Variants in SCN1A observed in about 807,000 individuals in gnomAD.
SCN1A encodes the protein sodium channel protein type 1 subunit alpha.
In SCN1A, 13 loss-of-function variants were observed where a neutral mutation model predicts 193.7. The observed-to-expected ratio is 0.07, with a 90% confidence interval of 0.04 to 0.11. The LOEUF is 0.11. Among genes scored for constraint, SCN1A ranks in the 10% least tolerant of loss-of-function variants. The pLI is 1.00. For missense variants in SCN1A, 1,432 were observed against 2,451.1 expected, an observed-to-expected ratio of 0.58 and a Z score of 8.78; for synonymous variants, 781 against 843.6, an observed-to-expected ratio of 0.93 and a Z score of 1.29.
At chr2:166,124,763 C>T (rs1348015974) in intron 2 of SCN1A, among the ~76,000 whole-genome samples, 3 of 152,174 alleles carry the variant, frequency 2.0e-5, no homozygotes, top group Admixed American at 6.5e-5. Context: ...GCCATGGCCA[C>T]GGTGTGGCTG....
intron 19 of SCN1A, among the ~76,000 whole-genome samples, chr2:166,019,509 C>T (rs1301214585): frequency 6.6e-6 from 1 of 152,120 alleles, no homozygotes; most frequent in African/African-American, 2.4e-5. Context: ...ACTCTTTCAG[C>T]ACCCAGACTC....
chr2:166,110,064 G>A (rs765431497), intron 2 of SCN1A, among the ~76,000 whole-genome samples: 24 of 151,966 alleles, frequency 1.6e-4, no homozygotes, highest in Non-Finnish European at 3.4e-4. Context: ...ATGCTTGAGG[G>A]GACACATACC....
At chr2:166,119,174 C>T (rs1966563) in intron 2 of SCN1A, among the ~76,000 whole-genome samples, 3,649 of 152,252 alleles carry the variant, frequency 0.024, 326 homozygotes, top group Admixed American at 0.16. Context: ...CAGTACTGGT[C>T]CGTGGCCCAG....
chr2:166,138,330 C>A (rs1428135900), intron 1 of SCN1A, among the ~76,000 whole-genome samples: 1 of 152,218 alleles, frequency 6.6e-6, no homozygotes, highest in Non-Finnish European at 1.5e-5. Context: ...GCCTTCATAG[C>A]AGCTCCTCCC....
chr2:166,055,435 T>C (rs1348263317), intron 6 of SCN1A, among the ~76,000 whole-genome samples: 2 of 151,896 alleles, frequency 1.3e-5, no homozygotes, highest in East Asian at 3.9e-4. Context: ...CATATTAGCT[T>C]CAATACTTTA....
At chr2:166,044,937 T>C in intron 13 of SCN1A, 106 bp downstream of exon 13, 1 of 1,194,474 alleles carries the variant, frequency 8.4e-7, no homozygotes, top group Non-Finnish European at 1.2e-6. Context: ...AACACAACAG[T>C]GGTTGATTCA....
intron 2 of SCN1A, among the ~76,000 whole-genome samples, chr2:166,091,032 C>T (rs746392582): frequency 6.6e-6 from 1 of 152,180 alleles, no homozygotes; most frequent in Non-Finnish European, 1.5e-5. Flanking sequence ...AATGAACTAA[C>T]CTGCATTGTA....
chr2:166,137,517 T>C (rs1163297594), intron 1 of SCN1A: 1 of 152,422 alleles, frequency 6.6e-6, no homozygotes, highest in East Asian at 1.9e-4. Flanking sequence ...TATGATGGCT[T>C]TAAAAATGGG....
chr2:166,123,764 A>T (rs114942290), intron 2 of SCN1A, among the ~76,000 whole-genome samples: 2 of 152,170 alleles, frequency 1.3e-5, no homozygotes. Flanking sequence ...TTTATTTGAC[A>T]TAACTCTTTG....
At chr2:166,001,975 T>A (rs1020961887) in intron 24 of SCN1A, among the ~76,000 whole-genome samples, 7 of 150,074 alleles carry the variant, frequency 4.7e-5, no homozygotes, top group African/African-American at 1.7e-4. Flanking sequence ...CTGGTTCTAA[T>A]TCTAAAACCT....
intron 23 of SCN1A, among the ~76,000 whole-genome samples, chr2:166,007,057 T>G (rs1691764303): frequency 6.7e-6 from 1 of 148,424 alleles, no homozygotes; most frequent in African/African-American, 2.5e-5. Flanking sequence ...TCATAAAGGT[T>G]TTTTTTTTTT....
At chr2:166,108,075 A>G (rs914672850) in intron 2 of SCN1A, among the ~76,000 whole-genome samples, 3 of 152,088 alleles carry the variant, frequency 2.0e-5, no homozygotes, top group Non-Finnish European at 2.9e-5. Context: ...GCATATATAT[A>G]TATATTTTAA....
At chr2:166,139,840 G>A (rs1259709368) in intron 1 of SCN1A, among the ~76,000 whole-genome samples, 2 of 152,088 alleles carry the variant, frequency 1.3e-5, no homozygotes, top group African/African-American at 4.8e-5. Flanking sequence ...CAACACATGG[G>A]AATTATGGGA....
intron 1 of SCN1A, among the ~76,000 whole-genome samples, chr2:166,136,884 C>T (rs999544459): frequency 3.9e-5 from 6 of 152,086 alleles, no homozygotes; most frequent in Admixed American, 1.3e-4. Flanking sequence ...GAGGTGTGGT[C>T]GGGGAGACTC....
chr2:166,137,709 G>C (rs1172358975), intron 1 of SCN1A: 1 of 152,252 alleles, frequency 6.6e-6, no homozygotes, highest in Non-Finnish European at 1.5e-5. Context: ...CTTGAAAATG[G>C]ACTACTCAGT....
At chr2:166,061,882 C>A (rs1683345172) in intron 4 of SCN1A, among the ~76,000 whole-genome samples, 1 of 147,258 alleles carries the variant, frequency 6.8e-6, no homozygotes, top group Admixed American at 6.9e-5. Context: ...ATTGTTCAAG[C>A]CTTAGATGAA....
At chr2:166,009,962 T>A in intron 22 of SCN1A, 121 bp from the exon 23 acceptor site, 2 of 926,730 alleles carry the variant, frequency 2.2e-6, no homozygotes, top group South Asian at 3.0e-5. Flanking sequence ...GTTCAGACAT[T>A]TTCAGTAAAC....
intron 2 of SCN1A, among the ~76,000 whole-genome samples, chr2:166,086,118 C>T (rs1686082404): frequency 6.6e-6 from 1 of 152,150 alleles, no homozygotes; most frequent in South Asian, 2.1e-4. Context: ...ACCTTGAAGA[C>T]TGAATTCTCA....
chr2:166,046,223 C>T (rs1169692310), intron 12 of SCN1A, among the ~76,000 whole-genome samples: 1 of 152,138 alleles, frequency 6.6e-6, no homozygotes, highest in Non-Finnish European at 1.5e-5. Context: ...ACTATAAAAA[C>T]AAGTAATCCT....
Sources: allele counts gnomAD v4.1 joint callset (sites outside exome capture counted in the v4.1 genomes callset), GRCh38; gene constraint gnomAD v4.1.1; transcripts MANE v1.5; gene names NCBI Gene and HGNC (gene_info 2026-07-23, HGNC 2026-07-21).